The following RPTOR variants were observed in gnomAD, a reference collection of about 807,000 sequenced individuals.
RPTOR encodes the protein regulatory associated protein of MTOR complex 1, also known as regulatory-associated protein of mTOR.
In RPTOR, 21 loss-of-function variants were observed where a neutral mutation model predicts 169.9. The observed-to-expected ratio is 0.12, with a 90% CI of 0.09 to 0.18. The LOEUF (loss-of-function observed/expected upper bound fraction) is 0.18, where lower values mean the gene tolerates loss of function less well. Among genes scored for constraint, RPTOR ranks in the 10% least tolerant of loss-of-function variants. RPTOR has a pLI of 1.00. For synonymous variants in RPTOR, 732 were observed against 753.2 expected (o/e 0.97, Z 0.46); for missense variants, 1,133 against 1,855.9 (o/e 0.61, Z 7.16).
chr17:80,869,187 C>A (rs2068025484), intron 13 of RPTOR, among the ~76,000 whole-genome samples: 1 of 152,058 alleles, frequency 6.6e-6, no homozygotes, highest in Admixed American at 6.6e-5. Context: ...TGAGATAGAG[C>A]CTCACTCTGT....
At position 80,730,923 on chromosome 17, in the gene RPTOR, G is replaced by A. The variant is rs555852481; in HGVS notation, c.654+217G>A. On this transcript the variant is annotated intron_variant, in intron 5 of 33. Coordinates refer to ENST00000306801, the MANE Select transcript of RPTOR (RefSeq NM_020761.3). This position sits in a 1 kb window ranked among gnomAD's most constrained non-coding sequence, Gnocchi z 4.2. ...TAATCTTGTTCTGTTGCCCAGGCTG[G>A]AGTGCTGTGGTGCCGTCTCCAGTCA... Among the ~76,000 whole-genome samples the A allele has an allele frequency of 6.6e-6, 1 of 152,298 alleles. No homozygotes were observed. The highest frequency in any genetic ancestry group is 2.1e-4 in the South Asian group (1 of 4,826).
intron 1 of RPTOR, among the ~76,000 whole-genome samples, chr17:80,584,654 G>A (rs990047588): frequency 3.3e-5 from 5 of 152,140 alleles, no homozygotes; most frequent in Non-Finnish European, 5.9e-5. Context: ...TGACTTCTTT[G>A]GGGCTTCCCC....
intron 20 of RPTOR, among the ~76,000 whole-genome samples, chr17:80,899,548 G>A (rs949462618): frequency 1.3e-5 from 2 of 152,194 alleles, no homozygotes; most frequent in African/African-American, 4.8e-5. Flanking sequence ...CCCAGTTCAC[G>A]CTCATCAAGG....
chr17:80,637,431 T>A (rs2065516703), intron 2 of RPTOR, among the ~76,000 whole-genome samples: 1 of 152,218 alleles, frequency 6.6e-6, no homozygotes. Context: ...GGCCAAGACC[T>A]CTTTTCCCAC....
At chr17:80,945,634 C>G in intron 25 of RPTOR, 33 bp from the exon 26 acceptor site, 1 of 1,326,414 alleles carries the variant, frequency 7.5e-7, no homozygotes, top group Non-Finnish European at 1.1e-6. Context: ...GATGCTGGCT[C>G]CTGGATCCAC....
At chr17:80,753,505 C>T (rs181566516) in intron 5 of RPTOR, among the ~76,000 whole-genome samples, 4 of 151,434 alleles carry the variant, frequency 2.6e-5, no homozygotes, top group African/African-American at 4.8e-5. Flanking sequence ...TGGTGGCGTG[C>T]GCCTGTAGTC....
At chr17:80,626,084 T>C (rs1343579602) in intron 2 of RPTOR, among the ~76,000 whole-genome samples, 2 of 152,114 alleles carry the variant, frequency 1.3e-5, no homozygotes, top group African/African-American at 4.8e-5. Flanking sequence ...GACAGAGTCT[T>C]CCTCTGTCAC....
In RPTOR at chr17:80,940,514, C is replaced by T. The variant is rs2144036893; in HGVS notation, c.2938C>T (p.Leu980=). Residue 980 remains leucine, a synonymous_variant, in exon 25 of 34, where the codon CTG becomes TTG. Transcript: ENST00000306801. ...GTTGAAGATCCCAGAAGAGCACGAC[C>T]TGGAGAGTCAGATCCGCAAGGAGCG... The part of the protein sequence containing the change: ...PVMKIPEEHD[L]ESQIRKEREW... The T allele has an allele frequency of 6.2e-7, 1 of 1,613,788 alleles. No individual in the cohort carries two copies. Among genetic ancestry groups the T allele is most frequent in the Non-Finnish European group, 8.5e-7 (1 of 1,179,892 alleles).
At chr17:80,919,274 G>T (rs1355161790) in intron 21 of RPTOR, among the ~76,000 whole-genome samples, 1 of 152,138 alleles carries the variant, frequency 6.6e-6, no homozygotes, top group Non-Finnish European at 1.5e-5. Context: ...GCTTTTGCAG[G>T]GGTTTCTTCT....
chr17:80,739,209 A>T (rs1183764174), intron 5 of RPTOR, among the ~76,000 whole-genome samples: 1 of 40,974 alleles, frequency 2.4e-5, no homozygotes, highest in East Asian at 5.2e-4. Context: ...TCTTTCACAA[A>T]GGATCCTGGT....
intron 7 of RPTOR, among the ~76,000 whole-genome samples, chr17:80,810,305 G>A (rs966254890): frequency 6.6e-6 from 1 of 151,950 alleles, no homozygotes; most frequent in African/African-American, 2.4e-5. Flanking sequence ...TTAAGTCTGC[G>A]ATCCGTTTCA....
intron 13 of RPTOR, among the ~76,000 whole-genome samples, chr17:80,871,426 G>T (rs1198107936): frequency 6.6e-6 from 1 of 152,176 alleles, no homozygotes; most frequent in Non-Finnish European, 1.5e-5. Context: ...AGAGGGGAGT[G>T]CCCTTCTGGT....
At chr17:80,761,564 G>A (rs1268029091) in intron 6 of RPTOR, among the ~76,000 whole-genome samples, 1 of 152,164 alleles carries the variant, frequency 6.6e-6, no homozygotes, top group Non-Finnish European at 1.5e-5. Flanking sequence ...TGCAGTGCCT[G>A]TCTCATTTCA....
intron 9 of RPTOR, among the ~76,000 whole-genome samples, chr17:80,832,200 G>A (rs35867023): frequency 0.27 from 40,891 of 152,154 alleles, 5,522 homozygotes; most frequent in Middle Eastern, 0.34. Flanking sequence ...TTGGGAACCC[G>A]TGATCCAGGG....
chr17:80,740,631 T>C (rs2066473845), intron 5 of RPTOR, among the ~76,000 whole-genome samples: 1 of 152,174 alleles, frequency 6.6e-6, no homozygotes, highest in African/African-American at 2.4e-5. Context: ...TAAAAATTAA[T>C]TAATGTACTT....
At chr17:80,876,806 G>A (rs1390020943) in intron 13 of RPTOR, among the ~76,000 whole-genome samples, 1 of 128,780 alleles carries the variant, frequency 7.8e-6, no homozygotes, top group Admixed American at 7.5e-5. Context: ...GCCACACAGG[G>A]TGTGTGTGTC....
intron 7 of RPTOR, among the ~76,000 whole-genome samples, chr17:80,797,949 A>G (rs570152288): frequency 3.9e-5 from 6 of 152,314 alleles, no homozygotes; most frequent in East Asian, 3.9e-4. Flanking sequence ...TTGAGAGACA[A>G]ACAGATCATC....
At chr17:80,813,055 G>A (rs986678451) in intron 7 of RPTOR, among the ~76,000 whole-genome samples, 1 of 152,154 alleles carries the variant, frequency 6.6e-6, no homozygotes, top group East Asian at 1.9e-4. Context: ...CAGAGAGGCC[G>A]CTCCTCTACC....
At chr17:80,750,970 A>G (rs187763195) in intron 5 of RPTOR, among the ~76,000 whole-genome samples, 1 of 152,280 alleles carries the variant, frequency 6.6e-6, no homozygotes, top group East Asian at 1.9e-4. Flanking sequence ...AAAAAGTTAA[A>G]TTATATTTAT....
Sources: gnomAD v4.1 joint callset for allele counts (sites outside exome capture counted in the v4.1 genomes callset) on GRCh38, gnomAD v4.1.1 for gene constraint, Gnocchi (gnomAD v3.1) non-coding constraint, MANE v1.5 for transcripts, NCBI Gene and HGNC (gene_info 2026-07-23, HGNC 2026-07-21) for gene names.